Variants in RP1 observed in about 807,000 individuals in gnomAD.
RP1 encodes the protein oxygen-regulated protein 1.
RP1 carries 16 observed loss-of-function variants against 14.8 expected under a neutral mutation model. The ratio of observed to expected loss-of-function variants is 1.08; its 90% CI spans 0.73 to 1.65. The LOEUF (loss-of-function observed/expected upper bound fraction) is 1.65, where lower values mean the gene tolerates loss of function less well. RP1 is among the 40% of genes most tolerant of loss of function. The pLI is 0.00. For synonymous variants in RP1, 876 were observed against 883.6 expected (o/e 0.99, Z 0.15); for missense variants, 2,631 against 2,535.0 (o/e 1.04, Z -0.81).
intron 24 of RP1, among the ~76,000 whole-genome samples, chr8:54,810,081 G>A (rs1044506074): frequency 6.6e-5 from 10 of 152,170 alleles, no homozygotes; most frequent in Non-Finnish European, 1.5e-4. Context: ...GCACACGCCT[G>A]ACCATATGCT....
At chr8:54,698,343 C>T (rs1426534520) in intron 12 of RP1, among the ~76,000 whole-genome samples, 1 of 152,126 alleles carries the variant, frequency 6.6e-6, no homozygotes, top group East Asian at 1.9e-4. Flanking sequence ...TGAGATACCA[C>T]CTCCAGCCAG....
chr8:54,675,445 G>A (rs78205855), intron 8 of RP1, among the ~76,000 whole-genome samples: 44 of 152,180 alleles, frequency 2.9e-4, no homozygotes, highest in Non-Finnish European at 6.3e-4. Flanking sequence ...CTCAGATTTT[G>A]GTAGGTTAGT....
At chr8:54,719,152 T>A (rs1332801466) in intron 15 of RP1, among the ~76,000 whole-genome samples, 1 of 152,158 alleles carries the variant, frequency 6.6e-6, no homozygotes, top group Non-Finnish European at 1.5e-5. Flanking sequence ...CCATGCTGCC[T>A]ATGGCCCCTC....
At chr8:54,786,357 A>G (rs1480134250) in intron 24 of RP1, among the ~76,000 whole-genome samples, 2 of 152,074 alleles carry the variant, frequency 1.3e-5, no homozygotes, top group Non-Finnish European at 2.9e-5. Flanking sequence ...GATCCTGTAC[A>G]TATGATAAGT....
downstream of RP1, among the ~76,000 whole-genome samples, chr8:54,770,988 C>G (rs562821945): frequency 6.6e-6 from 1 of 152,054 alleles, no homozygotes; most frequent in South Asian, 2.1e-4. Flanking sequence ...AATGGATGTA[C>G]TTTCTACAGT....
intron 17 of RP1, among the ~76,000 whole-genome samples, chr8:54,727,340 G>T (rs535065848): frequency 1.3e-5 from 2 of 152,170 alleles, no homozygotes; most frequent in South Asian, 4.1e-4. Context: ...AGAAATATGT[G>T]CTTAGTTAAA....
intron 19 of RP1, among the ~76,000 whole-genome samples, chr8:54,740,579 G>T (rs755441619): frequency 6.6e-6 from 1 of 151,884 alleles, no homozygotes; most frequent in Non-Finnish European, 1.5e-5. Context: ...AGAATTAGCT[G>T]GGCGTGGTGA....
At chr8:54,623,462 C>G (rs1805936449) in intron 3 of RP1, among the ~76,000 whole-genome samples, 1 of 151,844 alleles carries the variant, frequency 6.6e-6, no homozygotes, top group Admixed American at 6.6e-5. Context: ...TATAGATTTG[C>G]TAACAGGATT....
chr8:54,846,887 C>T (rs1270698044), intron 25 of RP1, among the ~76,000 whole-genome samples: 1 of 152,204 alleles, frequency 6.6e-6, no homozygotes, highest in African/African-American at 2.4e-5. Context: ...GCACACATCA[C>T]ACCACAGCTC....
intron 24 of RP1, among the ~76,000 whole-genome samples, chr8:54,795,501 A>T (rs1459360746): frequency 6.6e-6 from 1 of 152,140 alleles, no homozygotes; most frequent in African/African-American, 2.4e-5. Context: ...TTCAGATATC[A>T]ATCATTTTTT....
chr8:54,819,557 G>A (rs543051394), intron 24 of RP1, among the ~76,000 whole-genome samples: 12 of 152,146 alleles, frequency 7.9e-5, no homozygotes, highest in South Asian at 4.1e-4. Context: ...GAATAATTAG[G>A]TATTCATTCT....
chr8:54,834,693 G>T (rs933794496), intron 24 of RP1, among the ~76,000 whole-genome samples: 4 of 150,768 alleles, frequency 2.7e-5, no homozygotes, highest in African/African-American at 4.9e-5. Context: ...TTTTCCTGTG[G>T]TGTTGCTTCC....
chr8:54,628,925 C>T lies in RP1; in HGVS notation c.5043C>T (p.Gly1681=), dbSNP rs1309244031. ...SLYDSEGQSF[G]SSEQVSSSSS... is the part of the protein sequence containing the mutation. ...ATGATTCTGAAGGGCAGTCATTTGG[C>T]TCTTCTGAACAGGTATCTAGTAGTT... Residue 1681 remains glycine, a synonymous_variant, in exon 4 of 4, where the codon GGC becomes GGT. Transcript: ENST00000220676. 6.2e-7 allele frequency: 1 copy of T among 1,613,880 alleles called. No homozygotes were observed. Among genetic ancestry groups the T allele is most frequent in the Admixed American group, 1.7e-5 (1 of 59,986 alleles).
At chr8:54,772,898 C>G (rs1809944916), downstream of RP1, among the ~76,000 whole-genome samples, 1 of 152,032 alleles carries the variant, frequency 6.6e-6, no homozygotes, top group Non-Finnish European at 1.5e-5. Flanking sequence ...TGTTTCAGGT[C>G]CAAGTGAAAG....
chr8:54,695,304 A>C (rs1224328964), intron 12 of RP1, among the ~76,000 whole-genome samples: 3 of 152,118 alleles, frequency 2.0e-5, no homozygotes, highest in Admixed American at 6.6e-5. Context: ...AAATATTTAT[A>C]AAATACTTAA....
At chr8:54,608,904 G>A in intron 1 of RP1, among the ~76,000 whole-genome samples, 1 of 152,266 alleles carries the variant, frequency 6.6e-6, no homozygotes, top group Non-Finnish European at 1.5e-5. Flanking sequence ...TGTCTTATCT[G>A]TAGTCACATG....
intron 24 of RP1, among the ~76,000 whole-genome samples, chr8:54,786,902 C>A (rs920865546): frequency 6.6e-5 from 10 of 152,074 alleles, no homozygotes; most frequent in Admixed American, 3.3e-4. Flanking sequence ...ATAGAAGAGC[C>A]ACCATCCAAG....
At chr8:54,781,001 T>A in intron 23 of RP1, 1 of 980,706 alleles carries the variant, frequency 1.0e-6, no homozygotes, top group African/African-American at 1.7e-5. Context: ...TAAGGAATAT[T>A]TGGAGATCAT....
At chr8:54,679,358 A>C in intron 9 of RP1, 1 of 1,391,678 alleles carries the variant, frequency 7.2e-7, no homozygotes, top group Non-Finnish European at 9.8e-7. Flanking sequence ...TGGGAAGATA[A>C]TTGCCAATGG....
Sources: allele counts gnomAD v4.1 joint callset (sites outside exome capture counted in the v4.1 genomes callset), GRCh38; gene constraint gnomAD v4.1.1; transcripts MANE v1.5; gene names NCBI Gene and HGNC (gene_info 2026-07-23, HGNC 2026-07-21).